BBS2: variants seen among roughly 807,000 people sequenced by gnomAD.
The protein encoded by BBS2 is Bardet-Biedl syndrome 2, also known as BBSome complex member BBS2.
A neutral mutation model predicts 83.0 loss-of-function variants in BBS2; 62 were observed. The observed-to-expected ratio is 0.75, with a 90% CI of 0.61 to 0.92. BBS2 has a LOEUF of 0.92. Among genes scored for constraint, BBS2 ranks in the 40% least tolerant of loss-of-function variants. The pLI, the probability that BBS2 is intolerant of heterozygous loss-of-function variation, is 0.00. For missense variants in BBS2, 784 were observed against 901.0 expected (o/e 0.87, Z 1.66); for synonymous variants, 303 against 326.1 (o/e 0.93, Z 0.76).
In BBS2 at chr16:56,498,547, T is replaced by G; in HGVS notation, c.1549A>C (p.Asn517His). 6.2e-7 allele frequency: 1 copy of G among 1,614,102 alleles called. No individual in the cohort carries two copies. Among genetic ancestry groups the G allele is most frequent in the Non-Finnish European group, 8.5e-7 (1 of 1,180,012 alleles). The change falls in exon 13 of 17, where the codon AAC becomes CAC. Residue 517 changes from asparagine to histidine, a missense_variant. Coordinates refer to ENST00000245157, the MANE Select transcript of BBS2 (RefSeq NM_031885.5). ...AQRVVVWLGQ[N>H]FLLPEDTHIQ... Reference sequence around the variant, plus strand: ...TGAGTGTCTTCTGGTAACAGAAAGTTCTGACCGAGCCATACAACAACCTTG... The same window carrying G: ...TGAGTGTCTTCTGGTAACAGAAAGTGCTGACCGAGCCATACAACAACCTTG...
rs1567579212 is a variant in BBS2, at chr16:56,506,115, C to T, written c.717+5G>A. 2 of 1,612,632 alleles carry T rather than the reference C, an allele frequency of 1.2e-6. No individual in the cohort carries two copies. Among genetic ancestry groups the T allele is most frequent in the Non-Finnish European group, 1.7e-6 (2 of 1,178,820 alleles). On this transcript the variant is annotated splice_donor_5th_base_variant and intron_variant, in intron 6 of 16. Transcript: ENST00000245157. Reference sequence around the variant, plus strand: ...CCTGAATATCAAAGGCTAAATTATACTAACTTTAATTCTCCAGTATCGGGA... The same window carrying T: ...CCTGAATATCAAAGGCTAAATTATATTAACTTTAATTCTCCAGTATCGGGA...
chr16:56,496,064 A>G (rs1487991809), intron 15 of BBS2, among the ~76,000 whole-genome samples: 5 of 152,198 alleles, frequency 3.3e-5, no homozygotes, highest in African/African-American at 1.2e-4. Flanking sequence ...ACCTCTGAGC[A>G]AAACCATTAT....
intron 17 of BBS2, among the ~76,000 whole-genome samples, chr16:56,479,329 C>G (rs575701357): frequency 6.6e-6 from 1 of 152,224 alleles, no homozygotes; most frequent in East Asian, 1.9e-4. Flanking sequence ...CAAAAATTAG[C>G]TGGGTGTGCT....
intron 17 of BBS2, among the ~76,000 whole-genome samples, chr16:56,474,440 G>A (rs1297020585): frequency 6.7e-6 from 1 of 150,276 alleles, no homozygotes; most frequent in Non-Finnish European, 1.5e-5. Context: ...CCTGCCTTAA[G>A]CCTCCCGGGT....
At chr16:56,501,210 T>G (rs963039259) in intron 10 of BBS2, 143 bp downstream of exon 10, 3 of 1,322,904 alleles carry the variant, frequency 2.3e-6, no homozygotes, top group Non-Finnish European at 3.2e-6. Context: ...CTTGGGAGGC[T>G]GAGACAGGAG....
chr16:56,475,958 T>G, intron 17 of BBS2: 1 of 1,241,622 alleles, frequency 8.1e-7, no homozygotes, highest in Non-Finnish European at 1.1e-6. Context: ...GTGCTTGATA[T>G]GGAAACCATC....
At chr16:56,500,114 T>C (rs1406085215) in intron 11 of BBS2, 17 of 545,552 alleles carry the variant, frequency 3.1e-5, no homozygotes, top group Admixed American at 1.5e-4. Flanking sequence ...TCTACATATA[T>C]ACCTGCATGC....
chr16:56,503,834 G>A lies in BBS2; in HGVS notation c.805-1026C>T, dbSNP rs185565711. On this transcript the variant is annotated intron_variant, in intron 7 of 16. Transcript: ENST00000245157. ...CTAGGGAGGCTGAGGCAGGAGAATC[G>A]CTTGAACCCGGGAGGCGGAGGTTGC... Among the ~76,000 whole-genome samples the A allele has an allele frequency of 1.3e-3, 199 of 151,850 alleles. 1 individual carries two copies. The highest frequency in any genetic ancestry group is 4.3e-3 in the African/African-American group (178 of 41,366).
intron 5 of BBS2, among the ~76,000 whole-genome samples, chr16:56,508,587 A>G (rs1307924394): frequency 2.6e-5 from 4 of 152,122 alleles, no homozygotes; most frequent in Admixed American, 2.0e-4. Flanking sequence ...TAATCTTTAG[A>G]TAGTGCTTTT....
In BBS2 at chr16:56,519,910, A is replaced by G. The variant is rs1288769665; in HGVS notation, c.-48T>C. On this transcript the variant is annotated 5_prime_UTR_variant, in exon 1 of 17. Transcript: ENST00000245157. The stretch of plus-strand genomic sequence containing the variant: ...AGGGCTGGAAGCTGGAGACAAGCGC[A>G]GCGGAGCTGGCCTCACGCGCCCGGG... 2 of 1,522,854 alleles carry G rather than the reference A, an allele frequency of 1.3e-6. No homozygotes were observed. Among genetic ancestry groups the G allele is most frequent in the Admixed American group, 3.4e-5 (2 of 59,462 alleles). The allele number at this position is 1,522,854 out of a possible 1,614,324, so 94.3% of individuals were successfully genotyped here.
chr16:56,510,733 G>A (rs1397417855), intron 4 of BBS2, 126 bp downstream of exon 4: 3 of 923,768 alleles, frequency 3.2e-6, no homozygotes, highest in Non-Finnish European at 5.4e-6. Context: ...AACTGGCTGA[G>A]CATTTAGGCA....
intron 1 of BBS2, among the ~76,000 whole-genome samples, chr16:56,519,330 CAAAA>C (rs35141671): frequency 5.4e-5 from 3 of 55,702 alleles, no homozygotes. Context: ...GACTCCGTCT[CAAAA>C]AAAAAAAAAA....
Position 56,485,816 on chromosome 16 carries a change from C to A in BBS2, c.1911-78G>T, listed in dbSNP as rs866691394. 3 of 1,377,058 alleles carry A rather than the reference C, an allele frequency of 2.2e-6. No individual in the cohort carries two copies. The East Asian group carries it at 6.9e-5, about 32-fold the overall frequency. The allele number at this position is 1,377,058 out of a possible 1,614,324, so 85.3% of individuals were successfully genotyped here. On this transcript the variant is annotated intron_variant, in intron 15 of 16. Transcript: ENST00000245157. ...AAGAAAAACTTGCAAATTTCTTAGA[C>A]ATACAAAGAAAAGACACCATTTTTA...
chr16:56,517,821 CTTTT>C (rs11429010), intron 1 of BBS2, among the ~76,000 whole-genome samples: 1 of 138,062 alleles, frequency 7.2e-6, no homozygotes, highest in Non-Finnish European at 1.6e-5. Context: ...TTTGTCAGTG[CTTTT>C]TTTTTTTTTT....
At position 56,502,299 on chromosome 16, in the gene BBS2, A is replaced by G. The variant is rs773134471; in HGVS notation, c.1080+18T>C. The G allele has an allele frequency of 2.2e-5, 35 of 1,614,042 alleles. No individual in the cohort carries two copies. Among genetic ancestry groups the G allele is most frequent in the Non-Finnish European group, 2.8e-5 (33 of 1,180,012 alleles). ...ATTTCAGCCTCCATTACCTGGTCAC[A>G]TTAGGACCTACACCTACCTTGGCAT... On this transcript the variant is annotated intron_variant, in intron 9 of 16. Coordinates refer to ENST00000245157, the MANE Select transcript of BBS2 (RefSeq NM_031885.5).
At chr16:56,501,682 T>C in intron 9 of BBS2, 185 bp from the exon 10 acceptor site, 1 of 762,840 alleles carries the variant, frequency 1.3e-6, no homozygotes, top group East Asian at 2.7e-5. Context: ...TATCTGGCCC[T>C]GTGGGAAAAT....
chr16:56,498,004 G>C, intron 13 of BBS2, 124 bp from the exon 14 acceptor site: 1 of 1,037,526 alleles, frequency 9.6e-7, no homozygotes, highest in Non-Finnish European at 1.4e-6. Context: ...ATGCAGTGTT[G>C]AAAAAGGAAA....
Position 56,502,465 on chromosome 16 carries a change from A to G in BBS2, c.941-9T>C. On this transcript the variant is annotated splice_polypyrimidine_tract_variant and intron_variant, in intron 8 of 16. Transcript: ENST00000245157. ...AGGCAGGTAGCCCCGGACTGAACAGAAGGAAAAAACCGCAAGTATAACCAG... is the reference window on the plus strand; with the variant it reads ...AGGCAGGTAGCCCCGGACTGAACAGGAGGAAAAAACCGCAAGTATAACCAG... The G allele has an allele frequency of 6.2e-7, 1 of 1,614,206 alleles. No individual in the cohort carries two copies. Among genetic ancestry groups the G allele is most frequent in the Non-Finnish European group, 8.5e-7 (1 of 1,180,048 alleles).
intron 16 of BBS2, among the ~76,000 whole-genome samples, chr16:56,485,372 G>C (rs1963746786): frequency 1.3e-5 from 2 of 152,144 alleles, no homozygotes; most frequent in African/African-American, 2.4e-5. Context: ...GAAGGTCTAA[G>C]AAAAGGAGCT....
Sources: allele counts gnomAD v4.1 joint callset (sites outside exome capture counted in the v4.1 genomes callset), GRCh38; gene constraint gnomAD v4.1.1; transcripts MANE v1.5; gene names NCBI Gene and HGNC (gene_info 2026-07-23, HGNC 2026-07-21).